DOCK1: variants seen among roughly 807,000 people sequenced by gnomAD.
DOCK1 encodes dedicator of cytokinesis 1, also known as dedicator of cytokinesis protein 1.
DOCK1 carries 138 observed loss-of-function variants against 262.7 expected under a neutral mutation model. The ratio of observed to expected loss-of-function variants is 0.53; its 90% CI spans 0.46 to 0.61. The LOEUF is 0.61. Ranked by LOEUF, DOCK1 falls within the 20% of genes least tolerant of loss-of-function variation. The probability of loss-of-function intolerance (pLI) is 0.00; values close to 1 mark genes in which losing one functional copy is unlikely to be tolerated. For synonymous variants in DOCK1, 866 were observed against 867.4 expected, an observed-to-expected ratio of 1.00 and a Z score of 0.03; for missense variants, 1,908 against 2,370.7, an observed-to-expected ratio of 0.80 and a Z score of 4.05.
chr10:127,034,802 T>C (rs1161318363), intron 18 of DOCK1, among the ~76,000 whole-genome samples: 1 of 152,218 alleles, frequency 6.6e-6, no homozygotes, highest in Non-Finnish European at 1.5e-5. Context: ...AGCAATGCTC[T>C]GAGCTGCGGT....
chr10:126,917,126 C>T (rs1039969466), intron 1 of DOCK1, among the ~76,000 whole-genome samples: 4 of 152,166 alleles, frequency 2.6e-5, no homozygotes, highest in African/African-American at 9.7e-5. Flanking sequence ...CTGTGCCAGA[C>T]ACCCCGAGCA....
intron 4 of DOCK1, among the ~76,000 whole-genome samples, chr10:126,986,637 C>T (rs370645477): frequency 1.3e-5 from 2 of 152,284 alleles, no homozygotes; most frequent in South Asian, 2.1e-4. Flanking sequence ...GGGCTGGGCG[C>T]GGTGGCTCAT....
chr10:127,196,966 C>A (rs2057217773), intron 27 of DOCK1, among the ~76,000 whole-genome samples: 1 of 152,138 alleles, frequency 6.6e-6, no homozygotes, highest in African/African-American at 2.4e-5. Context: ...GCTGTGCCAG[C>A]CAGCCTGGCC....
intron 29 of DOCK1, among the ~76,000 whole-genome samples, chr10:127,292,278 C>T (rs1295882284): frequency 6.6e-6 from 1 of 152,176 alleles, no homozygotes; most frequent in Non-Finnish European, 1.5e-5. Context: ...ACTGTGGGTT[C>T]TGTGCCAATG....
chr10:127,104,094 C>CT (rs2048401182), intron 23 of DOCK1, among the ~76,000 whole-genome samples: 1 of 152,130 alleles, frequency 6.6e-6, no homozygotes, highest in South Asian at 2.1e-4. Context: ...CTCTTCATCT[C>CT]TTTTGCCCAT....
At chr10:127,415,038 C>G (rs2068076469) in intron 43 of DOCK1, 114 bp from the exon 44 acceptor site, 2 of 930,670 alleles carry the variant, frequency 2.1e-6, no homozygotes, top group Non-Finnish European at 1.6e-6. Context: ...CAGACCCTGT[C>G]CTGCTGAAGG....
intron 23 of DOCK1, among the ~76,000 whole-genome samples, chr10:127,065,758 T>C (rs920518253): frequency 6.6e-6 from 1 of 152,070 alleles, no homozygotes; most frequent in Non-Finnish European, 1.5e-5. Flanking sequence ...CTCCGACTGC[T>C]GCATTGAAAA....
intron 13 of DOCK1, among the ~76,000 whole-genome samples, chr10:127,020,036 T>C (rs1432597757): frequency 6.6e-6 from 1 of 152,190 alleles, no homozygotes; most frequent in Non-Finnish European, 1.5e-5. Flanking sequence ...AGGGCTGTTG[T>C]GGGTCATTGA....
intron 25 of DOCK1, among the ~76,000 whole-genome samples, chr10:127,122,242 G>A (rs1373134567): frequency 6.6e-6 from 1 of 152,152 alleles, no homozygotes; most frequent in Non-Finnish European, 1.5e-5. Context: ...ATGGGTTGCT[G>A]TGGACCAGGT....
At chr10:127,109,153 C>A (rs539762112) in intron 24 of DOCK1, among the ~76,000 whole-genome samples, 1 of 152,138 alleles carries the variant, frequency 6.6e-6, no homozygotes, top group African/African-American at 2.4e-5. Context: ...ATCTACTCGT[C>A]CCCCTCCAGA....
intron 1 of DOCK1, among the ~76,000 whole-genome samples, chr10:126,934,745 G>A (rs909270405): frequency 4.6e-5 from 6 of 129,514 alleles, no homozygotes; most frequent in Admixed American, 1.5e-4. Context: ...TGGAATTTAC[G>A]AGTTTTTTTT....
intron 23 of DOCK1, among the ~76,000 whole-genome samples, chr10:127,095,977 C>T (rs577056319): frequency 3.3e-5 from 5 of 152,100 alleles, no homozygotes; most frequent in East Asian, 1.9e-4. Context: ...TTGAGTGAAC[C>T]GAAGCATTGG....
chr10:127,338,600 G>A (rs546137228), intron 29 of DOCK1, among the ~76,000 whole-genome samples: 1 of 152,344 alleles, frequency 6.6e-6, no homozygotes, highest in South Asian at 2.1e-4. Flanking sequence ...AGCTCCTTGC[G>A]AAGAGTGCTT....
chr10:126,948,119 GTGGTGGT>G (rs2035716338), intron 1 of DOCK1, among the ~76,000 whole-genome samples: 7 of 115,824 alleles, frequency 6.0e-5, no homozygotes, highest in African/African-American at 2.4e-4. Context: ...GGTGGTGATG[GTGGTGGT>G]TGGTAGTATT....
intron 1 of DOCK1, among the ~76,000 whole-genome samples, chr10:126,941,718 G>A (rs2035020126): frequency 6.6e-6 from 1 of 152,018 alleles, no homozygotes; most frequent in Non-Finnish European, 1.5e-5. Context: ...TCGTGCCACT[G>A]CACTCCAGCC....
chr10:127,021,941 C>T (rs548588209), intron 13 of DOCK1, among the ~76,000 whole-genome samples: 1 of 152,092 alleles, frequency 6.6e-6, no homozygotes, highest in Non-Finnish European at 1.5e-5. Flanking sequence ...CGGAACCGCT[C>T]TTTGGCTCCT....
intron 21 of DOCK1, among the ~76,000 whole-genome samples, chr10:127,052,460 G>A (rs2044795836): frequency 6.6e-6 from 1 of 151,566 alleles, no homozygotes; most frequent in Non-Finnish European, 1.5e-5. Flanking sequence ...GAAGGCAGAG[G>A]TTGCAGTGAG....
chr10:127,215,965 C>T (rs2058191140), intron 27 of DOCK1, among the ~76,000 whole-genome samples: 5 of 151,990 alleles, frequency 3.3e-5, no homozygotes, highest in Admixed American at 2.0e-4. Context: ...TCTGAATATT[C>T]GTTTGTGTTT....
intron 47 of DOCK1, among the ~76,000 whole-genome samples, chr10:127,432,827 T>C (rs2069391034): frequency 6.6e-6 from 1 of 152,178 alleles, no homozygotes; most frequent in African/African-American, 2.4e-5. Context: ...GAGCATGTTA[T>C]TTTTGTCTAG....
Sources: gnomAD v4.1 joint callset for allele counts (sites outside exome capture counted in the v4.1 genomes callset) on GRCh38, gnomAD v4.1.1 for gene constraint, MANE v1.5 for transcripts, NCBI Gene and HGNC (gene_info 2026-07-23, HGNC 2026-07-21) for gene names.